NALCN: variants seen among roughly 807,000 people sequenced by gnomAD.
NALCN encodes sodium leak channel, non-selective.
Under a neutral mutation model 225.3 loss-of-function variants are expected in NALCN, and 111 were observed. The ratio of observed to expected loss-of-function variants is 0.49; its 90% CI spans 0.42 to 0.58. The LOEUF is 0.58. NALCN is among the 20% of genes least tolerant of loss of function. NALCN has a pLI of 0.00. For synonymous variants in NALCN, 764 were observed against 769.0 expected (o/e 0.99, Z 0.11); for missense variants, 1,378 against 2,202.4 (o/e 0.63, Z 7.49).
At chr13:101,109,610 T>C (rs2035323358) in intron 20 of NALCN, among the ~76,000 whole-genome samples, 1 of 152,214 alleles carries the variant, frequency 6.6e-6, no homozygotes, top group Non-Finnish European at 1.5e-5. Context: ...ACATTCAAGA[T>C]TACTTTTTAA....
chr13:101,340,459 T>A (rs2045522172), intron 7 of NALCN, among the ~76,000 whole-genome samples: 1 of 152,230 alleles, frequency 6.6e-6, no homozygotes, highest in Non-Finnish European at 1.5e-5. Context: ...AACACAGAGA[T>A]ACATTCATAT....
At position 101,057,962 on chromosome 13, in the gene NALCN, A is replaced by C. The variant is rs2031467189; in HGVS notation, c.5000T>G (p.Phe1667Cys). 2.5e-6 allele frequency: 4 copies of C among 1,613,838 alleles called. No individual in the cohort carries two copies. Among genetic ancestry groups the C allele is most frequent in the Non-Finnish European group, 3.4e-6 (4 of 1,180,010 alleles). Residue 1667 changes from phenylalanine to cysteine, a missense_variant, in exon 43 of 44, where the codon TTT becomes TGT. Around this residue, in one of 19 missense-constraint regions of NALCN, gnomAD observed 145 missense variants for 169.6 expected, o/e 0.85. Transcript: ENST00000251127. The part of the protein sequence containing the change: ...AADAGKPQRK[F>C]GQWRLPSAPK... ...ACCTGAGGGCAGACGCCACTGCCCA[A>C]ATTTCCTCTGGGGTTTCCCTGCGTC... is the stretch of plus-strand genomic sequence containing the variant.
chr13:101,148,531 T>C (rs947827907), intron 15 of NALCN, among the ~76,000 whole-genome samples: 3 of 152,328 alleles, frequency 2.0e-5, no homozygotes, highest in African/African-American at 7.2e-5. Context: ...GACAAAAATT[T>C]TGGGGGAATG....
intron 13 of NALCN, among the ~76,000 whole-genome samples, chr13:101,203,175 GA>G (rs1207281461): frequency 2.0e-5 from 3 of 152,126 alleles, no homozygotes; most frequent in Non-Finnish European, 4.4e-5. Context: ...TTGTCCCAAG[GA>G]AAAGCAACTT....
chr13:101,360,947 T>C (rs1025988743), intron 6 of NALCN, among the ~76,000 whole-genome samples: 10 of 152,200 alleles, frequency 6.6e-5, no homozygotes, highest in African/African-American at 2.4e-4. Context: ...TAAAAAGCCA[T>C]GTAATTTTGT....
chr13:101,198,276 C>T (rs2039971451), intron 13 of NALCN, among the ~76,000 whole-genome samples: 1 of 152,038 alleles, frequency 6.6e-6, no homozygotes, highest in African/African-American at 2.4e-5. Flanking sequence ...GCAACAAAAC[C>T]CAAAATTGAC....
intron 17 of NALCN, among the ~76,000 whole-genome samples, chr13:101,131,755 T>C (rs2036531140): frequency 6.6e-6 from 1 of 152,206 alleles, no homozygotes; most frequent in South Asian, 2.1e-4. Context: ...GGTTTGTGGA[T>C]TACCGAGTTT....
intron 27 of NALCN, among the ~76,000 whole-genome samples, chr13:101,096,333 T>C (rs2034499361): frequency 1.3e-5 from 2 of 152,180 alleles, no homozygotes; most frequent in Admixed American, 6.6e-5. Flanking sequence ...TGTCCATTTT[T>C]GAACAAACAG....
intron 7 of NALCN, among the ~76,000 whole-genome samples, chr13:101,312,275 A>C (rs1408413123): frequency 3.3e-5 from 5 of 151,742 alleles, no homozygotes; most frequent in Admixed American, 2.6e-4. Flanking sequence ...GTCTTGTTAG[A>C]GGTCTATCAA....
chr13:101,145,018 C>T (rs1220443491), intron 15 of NALCN, 122 bp from the exon 16 acceptor site: 3 of 1,067,896 alleles, frequency 2.8e-6, no homozygotes, highest in Non-Finnish European at 2.5e-6. Flanking sequence ...TAGATGGCAG[C>T]AAAGGCCTAC....
chr13:101,392,456 T>C (rs1429865564), intron 3 of NALCN, among the ~76,000 whole-genome samples: 1 of 152,218 alleles, frequency 6.6e-6, no homozygotes, highest in African/African-American at 2.4e-5. Flanking sequence ...ATTAAAAAGC[T>C]AGTTGTGCTA....
chr13:101,329,213 AT>A, intron 7 of NALCN, among the ~76,000 whole-genome samples: 1 of 152,378 alleles, frequency 6.6e-6, no homozygotes, highest in African/African-American at 2.4e-5. Flanking sequence ...TTTACTGGAC[AT>A]AAGATGGTAA....
intron 15 of NALCN, among the ~76,000 whole-genome samples, chr13:101,150,200 G>A (rs1257532601): frequency 2.6e-5 from 4 of 151,998 alleles, no homozygotes; most frequent in Admixed American, 6.6e-5. Flanking sequence ...CCAGCAGGTG[G>A]CACTGACGTG....
At chr13:101,214,459 A>C (rs973240214) in intron 13 of NALCN, among the ~76,000 whole-genome samples, 1 of 151,930 alleles carries the variant, frequency 6.6e-6, no homozygotes, top group African/African-American at 2.4e-5. Flanking sequence ...AAAAAAGTCT[A>C]TCCATCTGAG....
At chr13:101,148,453 T>G (rs1470570269) in intron 15 of NALCN, among the ~76,000 whole-genome samples, 4 of 152,166 alleles carry the variant, frequency 2.6e-5, no homozygotes, top group Non-Finnish European at 4.4e-5. Context: ...TCCAGAACAA[T>G]TAACTTAACT....
chr13:101,210,669 A>C (rs2040490703), intron 13 of NALCN, among the ~76,000 whole-genome samples: 1 of 152,162 alleles, frequency 6.6e-6, no homozygotes, highest in Non-Finnish European at 1.5e-5. Context: ...TTAATTCTCC[A>C]GTCATTTACC....
intron 17 of NALCN, among the ~76,000 whole-genome samples, chr13:101,129,240 C>T (rs1056364108): frequency 1.3e-5 from 2 of 152,162 alleles, no homozygotes; most frequent in Non-Finnish European, 2.9e-5. Context: ...GCTTGATTAT[C>T]GACTTTTACT....
Position 101,408,314 on chromosome 13 carries a change from C to T in NALCN, c.-40+7999G>A, listed in dbSNP as rs542547060. ...TCCGGGCCCTCTCAAGCAAGCCTCT[C>T]CTCCGCGTATCCTTAGCTTGTGAAC... On this transcript the variant is annotated intron_variant, in intron 1 of 43. Transcript: ENST00000251127. Among the ~76,000 whole-genome samples, 11 of 152,288 alleles carry T rather than the reference C, an allele frequency of 7.2e-5. No homozygotes were observed. The East Asian group carries it at 2.1e-3, about 29-fold the overall frequency.
At chr13:101,377,200 T>C in intron 4 of NALCN, 144 bp from the exon 5 acceptor site, 1 of 983,532 alleles carries the variant, frequency 1.0e-6, no homozygotes, top group South Asian at 1.8e-5. Context: ...AAATCCACTT[T>C]CTTTTGAGTA....
Sources: allele counts gnomAD v4.1 joint callset (sites outside exome capture counted in the v4.1 genomes callset), GRCh38; gene constraint gnomAD v4.1.1; regional missense constraint gnomAD v4.1.1; transcripts MANE v1.5; gene names NCBI Gene and HGNC (gene_info 2026-07-23, HGNC 2026-07-21).